Variants in TRIM65 observed in about 807,000 individuals in gnomAD.
The protein encoded by TRIM65 is E3 ubiquitin-protein ligase TRIM65.
A neutral mutation model predicts 36.1 loss-of-function variants in TRIM65; 46 were observed. The ratio of observed to expected loss-of-function variants is 1.27; its 90% CI spans 1.01 to 1.63. The LOEUF (loss-of-function observed/expected upper bound fraction) is 1.63, where lower values mean the gene tolerates loss of function less well. Ranked by LOEUF, TRIM65 falls within the 40% of genes most tolerant of loss-of-function variation. The pLI, the probability that TRIM65 is intolerant of heterozygous loss-of-function variation, is 0.00. For missense variants in TRIM65, 708 were observed against 696.6 expected (o/e 1.02, Z -0.18); for synonymous variants, 346 against 313.6 (o/e 1.10, Z -1.09).
At chr17:75,891,664 T>A in intron 5 of TRIM65, 149 bp downstream of exon 5, 1 of 1,071,712 alleles carries the variant, frequency 9.3e-7, no homozygotes, top group Non-Finnish European at 1.4e-6. Context: ...GGGACCAGGC[T>A]CAGATGTCCC....
chr17:75,885,286 ATATT>A (rs769020736), downstream of TRIM65, among the ~76,000 whole-genome samples: 1 of 151,942 alleles, frequency 6.6e-6, no homozygotes, highest in Non-Finnish European at 1.5e-5. Flanking sequence ...TAATTTTTAA[ATATT>A]TATTTATTTA....
rs546020351 is a variant in TRIM65 at position 75,894,615 on chromosome 17, C to T, written c.415-1765G>A. Among the ~76,000 whole-genome samples the T allele has an allele frequency of 3.3e-5, 5 of 152,366 alleles. No homozygotes were observed. In the East Asian group the frequency reaches 5.8e-4, roughly 18 times the overall value. ...GAGCTTTGGAGCTCACAGCAAGCTC[C>T]GCCTCCCGGGTTCACGCCATTCTCC... On this transcript the variant is annotated intron_variant, in intron 1 of 5. Coordinates refer to ENST00000269383, the MANE Select transcript of TRIM65 (RefSeq NM_173547.4).
chr17:75,881,444 A>G (rs551831510), intron 4 of TRIM65, among the ~76,000 whole-genome samples: 2 of 150,374 alleles, frequency 1.3e-5, no homozygotes. Flanking sequence ...GATCACGGTG[A>G]CAGCACAGTC....
At chr17:75,892,727 G>C (rs780796004) in intron 2 of TRIM65, 28 bp downstream of exon 2, 1 of 1,589,726 alleles carries the variant, frequency 6.3e-7, no homozygotes, top group South Asian at 1.1e-5. Context: ...GTGAGGCCAT[G>C]GTGGGCGGGC....
chr17:75,890,177 T>A lies in TRIM65; in HGVS notation c.*602A>T, dbSNP rs934384808. On this transcript the variant is annotated 3_prime_UTR_variant, in exon 6 of 6. Transcript: ENST00000269383. ...CTGCAGTGAGCCATGATTGTGCCACTGTACTCCAGCCTGAGTGACAGAGCA... is the reference window on the plus strand; with the variant it reads ...CTGCAGTGAGCCATGATTGTGCCACAGTACTCCAGCCTGAGTGACAGAGCA... The A allele has an allele frequency of 2.6e-5, 4 of 152,240 alleles. No individual in the cohort carries two copies. The highest frequency in any genetic ancestry group is 5.9e-5 in the Non-Finnish European group (4 of 68,064). The allele number at this position is 152,240 out of a possible 1,614,324, so 9.4% of individuals were successfully genotyped here.
At chr17:75,881,245 A>AG (rs2065167560) in intron 4 of TRIM65, among the ~76,000 whole-genome samples, 1 of 64,486 alleles carries the variant, frequency 1.6e-5, no homozygotes, top group Non-Finnish European at 3.0e-5. Flanking sequence ...CAAAAAAAAA[A>AG]AAAAAAAAAA....
chr17:75,896,134 C>T (rs2065342723), intron 1 of TRIM65, among the ~76,000 whole-genome samples: 1 of 152,224 alleles, frequency 6.6e-6, no homozygotes, highest in Admixed American at 6.5e-5. Context: ...CGGCTTACTG[C>T]AAGCTCCACT....
At position 75,890,733 on chromosome 17, in the gene TRIM65, C is replaced by T. The variant is rs997223325; in HGVS notation, c.*46G>A. 1.4e-6 allele frequency: 2 copies of T among 1,417,216 alleles called. No individual in the cohort carries two copies. Among genetic ancestry groups the T allele is most frequent in the Non-Finnish European group, 1.8e-6 (2 of 1,081,686 alleles). The allele number at this position is 1,417,216 out of a possible 1,614,324, so 87.8% of individuals were successfully genotyped here. On this transcript the variant is annotated 3_prime_UTR_variant, in exon 6 of 6. Coordinates refer to ENST00000269383, the MANE Select transcript of TRIM65 (RefSeq NM_173547.4). ...GCTGAAGCTGGGCAGCTCTTGGGCA[C>T]ATAGGCATGGTGGCAGCTATGCCAG...
intron 1 of TRIM65, among the ~76,000 whole-genome samples, chr17:75,895,021 C>G (rs553138773): frequency 2.6e-5 from 4 of 152,202 alleles, no homozygotes; most frequent in African/African-American, 9.7e-5. Context: ...GCCACAGGCC[C>G]GTCCCCTGGT....
intron 4 of TRIM65, among the ~76,000 whole-genome samples, chr17:75,882,885 C>T (rs532317948): frequency 2.7e-5 from 4 of 149,872 alleles, no homozygotes; most frequent in Admixed American, 1.3e-4. Context: ...TGGTGGTTCA[C>T]GCCTATAATC....
At position 75,890,198 on chromosome 17, in the gene TRIM65, G is replaced by A. The variant is rs2065246490; in HGVS notation, c.*581C>T. 1 of 152,232 alleles carries A rather than the reference G, an allele frequency of 6.6e-6. No homozygotes were observed. Among genetic ancestry groups the A allele is most frequent in the South Asian group, 2.1e-4 (1 of 4,834 alleles). 9.4% of individuals were successfully genotyped at this position (152,232 alleles called of 1,614,324 possible). A position where few individuals can be genotyped will look rare whatever the true frequency, so the allele number is the denominator to read the frequency against. ...CCACTGTACTCCAGCCTGAGTGACAGAGCAAGACCATCTCCTAAAAACACA... is the reference window on the plus strand; with the variant it reads ...CCACTGTACTCCAGCCTGAGTGACAAAGCAAGACCATCTCCTAAAAACACA... On this transcript the variant is annotated 3_prime_UTR_variant, in exon 6 of 6. Transcript: ENST00000269383.
Position 75,890,326 on chromosome 17 carries a change from A to G in TRIM65, c.*453T>C, listed in dbSNP as rs2065247684. On this transcript the variant is annotated 3_prime_UTR_variant, in exon 6 of 6. Coordinates refer to ENST00000269383, the MANE Select transcript of TRIM65 (RefSeq NM_173547.4). ...CAGGACGGACGTCTCTCCAAATGTT[A>G]CAAAAAATTAAAGAGAGCTGCAGGC... 1 of 154,978 alleles carries G rather than the reference A, an allele frequency of 6.5e-6. No homozygotes were observed. The highest frequency in any genetic ancestry group is 1.4e-5 in the Non-Finnish European group (1 of 70,096). 9.6% of individuals were successfully genotyped at this position (154,978 alleles called of 1,614,324 possible).
downstream of TRIM65, chr17:75,879,564 A>G (rs2065157088): frequency 6.6e-6 from 1 of 150,714 alleles, no homozygotes; most frequent in Admixed American, 6.6e-5. Context: ...GTTTTATTGT[A>G]TGAGTTATAT....
At chr17:75,880,449 T>A (rs547693360) in exon 5 of TRIM65, 3 of 150,120 alleles carry the variant, frequency 2.0e-5, no homozygotes, top group Admixed American at 1.3e-4. Context: ...TGAGCCACTG[T>A]GCCCGGTGCC....
chr17:75,896,779 G>A lies in TRIM65; in HGVS notation c.159C>T (p.Pro53=), dbSNP rs895979815. The change falls in exon 1 of 6, where the codon CCC becomes CCT. Residue 53 remains proline (P), a synonymous_variant. Transcript: ENST00000269383. ...CGKACPECRE[P]FPDGAELRRN... is the part of the protein sequence containing the mutation. ...GGCGCAGCTCGGCGCCGTCGGGAAAGGGCTCCCGGCACTCGGGGCACGCCT... is the reference window on the plus strand; with the variant it reads ...GGCGCAGCTCGGCGCCGTCGGGAAAAGGCTCCCGGCACTCGGGGCACGCCT... 25 of 1,499,070 alleles carry A rather than the reference G, an allele frequency of 1.7e-5. No individual in the cohort carries two copies. In the African/African-American group the frequency reaches 2.0e-4, roughly 12 times the overall value. The allele number at this position is 1,499,070 out of a possible 1,614,324, so 92.9% of individuals were successfully genotyped here. A position where few individuals can be genotyped will look rare whatever the true frequency, so the allele number is the denominator to read the frequency against.
Position 75,890,911 on chromosome 17 carries a change from CA to C in TRIM65, c.1421del (p.Leu474ArgfsTer24). On this transcript the variant is annotated frameshift_variant, in exon 6 of 6. Transcript: ENST00000269383. LOFTEE classifies it high-confidence loss of function. Reference protein sequence around the residue: ...FYSLEPQTQPLYTFHALFNQP... With the variant: ...FYSLEPQTQPXYTFHALFNQP... ...GGTTGAAGAGGGCATGGAAGGTGTA[CA>C]GGGGCTGGGTCTGGGGCTCCAGGCT... is the stretch of plus-strand genomic sequence containing the variant. The C allele has an allele frequency of 6.5e-7, 1 of 1,549,796 alleles. No individual in the cohort carries two copies. Among genetic ancestry groups the C allele is most frequent in the Non-Finnish European group, 8.7e-7 (1 of 1,147,904 alleles).
intron 4 of TRIM65, among the ~76,000 whole-genome samples, chr17:75,883,120 CTTTT>C (rs566533056): frequency 7.4e-6 from 1 of 135,978 alleles, no homozygotes. Context: ...TTTCTTTATG[CTTTT>C]TTTTTTTTTT....
In TRIM65 at chr17:75,891,255, G is replaced by A. The variant is rs747747029; in HGVS notation, c.1078C>T (p.Arg360Trp). 27 of 1,612,812 alleles carry A rather than the reference G, an allele frequency of 1.7e-5. 1 individual carries two copies. Among genetic ancestry groups the A allele is most frequent in the Middle Eastern group, 1.6e-4 (1 of 6,084 alleles). ...AAGCTGCCGGGCCCGCCTGGGCCCC[G>A]GGACTGACGACAGTGCTTCACCTGC... is the stretch of plus-strand genomic sequence containing the variant. ...DQQVKHCRQS[R>W]GPGGPGSFEL... Residue 360 changes from arginine to tryptophan, a missense_variant, in exon 6 of 6, where the codon CGG becomes TGG. Transcript: ENST00000269383.
chr17:75,894,731 A>G (rs1489857232), intron 1 of TRIM65, among the ~76,000 whole-genome samples: 1 of 152,166 alleles, frequency 6.6e-6, no homozygotes. Context: ...GGGTTTCACC[A>G]TGTTAGCCAG....
Sources: gnomAD v4.1 joint callset for allele counts (sites outside exome capture counted in the v4.1 genomes callset) on GRCh38, gnomAD v4.1.1 for gene constraint, MANE v1.5 for transcripts, NCBI Gene and HGNC (gene_info 2026-07-23, HGNC 2026-07-21) for gene names.